Variants in SNTG2 observed in about 807,000 individuals in gnomAD.
SNTG2 encodes gamma-2-syntrophin.
In SNTG2, 74 loss-of-function variants were observed where a neutral mutation model predicts 70.9. The ratio of observed to expected loss-of-function variants is 1.04; its 90% confidence interval spans 0.86 to 1.27. The LOEUF is 1.27. Ranked by LOEUF, SNTG2 falls within the 50% of genes most tolerant of loss-of-function variation. The pLI, the probability that SNTG2 is intolerant of heterozygous loss-of-function variation, is 0.00. For synonymous variants in SNTG2, 278 were observed against 273.8 expected (o/e 1.02, Z -0.15); for missense variants, 717 against 690.7 (o/e 1.04, Z -0.43).
intron 9 of SNTG2, among the ~76,000 whole-genome samples, chr2:1,236,040 G>C (rs527768314): frequency 6.6e-6 from 1 of 152,064 alleles, no homozygotes; most frequent in Non-Finnish European, 1.5e-5. Flanking sequence ...CTTGGCTGTC[G>C]TCCGCAATAA....
intron 1 of SNTG2, among the ~76,000 whole-genome samples, chr2:1,060,298 C>G (rs73166572): frequency 0.17 from 25,489 of 152,102 alleles, 2,625 homozygotes; most frequent in East Asian, 0.5. Flanking sequence ...CCAGTGTGAA[C>G]TCAGTTGTTT....
intron 4 of SNTG2, among the ~76,000 whole-genome samples, chr2:1,137,114 T>A (rs747362138): frequency 6.6e-6 from 1 of 152,220 alleles, no homozygotes; most frequent in Non-Finnish European, 1.5e-5. Context: ...CTAGCTTTCC[T>A]TATGAAGAGG....
At chr2:1,275,647 G>T (rs956150252) in intron 14 of SNTG2, among the ~76,000 whole-genome samples, 1 of 149,438 alleles carries the variant, frequency 6.7e-6, no homozygotes, top group African/African-American at 2.5e-5. Context: ...AGACATAACA[G>T]TATTGATATT....
intron 8 of SNTG2, among the ~76,000 whole-genome samples, chr2:1,191,111 C>A (rs1672566288): frequency 6.6e-6 from 1 of 152,144 alleles, no homozygotes; most frequent in African/African-American, 2.4e-5. Context: ...GGCTTCAGGG[C>A]CCCTTAATTG....
intron 16 of SNTG2, among the ~76,000 whole-genome samples, chr2:1,336,311 T>C (rs905242216): frequency 1.6e-4 from 24 of 152,194 alleles, no homozygotes; most frequent in African/African-American, 5.3e-4. Flanking sequence ...TAAAATCAGG[T>C]TGTTTTCTTG....
chr2:1,304,455 G>A (rs1231501934), intron 14 of SNTG2, among the ~76,000 whole-genome samples: 5 of 152,128 alleles, frequency 3.3e-5, no homozygotes, highest in African/African-American at 4.8e-5. Context: ...TGGCCGGTGC[G>A]GTGGCTCATG....
At chr2:1,282,665 G>A (rs1050644609) in intron 14 of SNTG2, among the ~76,000 whole-genome samples, 2 of 29,296 alleles carry the variant, frequency 6.8e-5, no homozygotes, top group Non-Finnish European at 1.5e-4. Flanking sequence ...AACTCCCCCC[G>A]CCCCCACGTC....
intron 1 of SNTG2, among the ~76,000 whole-genome samples, chr2:972,741 A>C (rs4971348): frequency 0.43 from 65,219 of 151,330 alleles, 14,725 homozygotes; most frequent in African/African-American, 0.53. Flanking sequence ...GTGTGTAGCA[A>C]CCCCACCCCT....
At chr2:1,061,865 A>G (rs139498787) in intron 1 of SNTG2, among the ~76,000 whole-genome samples, 10 of 152,328 alleles carry the variant, frequency 6.6e-5, no homozygotes, top group Non-Finnish European at 8.8e-5. Context: ...AAAATATTCC[A>G]TTATTCTTGG....
At chr2:1,250,697 G>A (rs1471851765) in intron 12 of SNTG2, among the ~76,000 whole-genome samples, 2 of 150,374 alleles carry the variant, frequency 1.3e-5, no homozygotes, top group Non-Finnish European at 3.0e-5. Context: ...ATCTGTCTCT[G>A]TCTTTGGCTC....
intron 1 of SNTG2, among the ~76,000 whole-genome samples, chr2:954,198 G>T (rs1023546034): frequency 1.3e-5 from 2 of 152,174 alleles, no homozygotes; most frequent in Non-Finnish European, 2.9e-5. Context: ...GCAGGTGCTC[G>T]TGGAAATGGA....
At chr2:1,015,368 C>CAT (rs1322954659) in intron 1 of SNTG2, among the ~76,000 whole-genome samples, 2 of 152,106 alleles carry the variant, frequency 1.3e-5, no homozygotes, top group East Asian at 3.8e-4. Context: ...AATATCCACA[C>CAT]ATATATATTA....
At chr2:961,589 G>T (rs1660353146) in intron 1 of SNTG2, among the ~76,000 whole-genome samples, 1 of 152,170 alleles carries the variant, frequency 6.6e-6, no homozygotes, top group African/African-American at 2.4e-5. Flanking sequence ...TCTTTTAATG[G>T]AGCATTTTAT....
At chr2:1,286,350 CTT>C (rs1271096164) in intron 14 of SNTG2, among the ~76,000 whole-genome samples, 1 of 152,180 alleles carries the variant, frequency 6.6e-6, no homozygotes, top group East Asian at 1.9e-4. Context: ...TTCTGGAGAA[CTT>C]TGCCCCTTCC....
intron 1 of SNTG2, among the ~76,000 whole-genome samples, chr2:1,075,491 G>C (rs1367981604): frequency 6.6e-6 from 1 of 152,192 alleles, no homozygotes; most frequent in Middle Eastern, 3.2e-3. Context: ...GAAAGTGTTT[G>C]TCATTGTTCA....
chr2:1,045,305 G>C (rs1661670768), intron 1 of SNTG2, among the ~76,000 whole-genome samples: 2 of 151,682 alleles, frequency 1.3e-5, no homozygotes, highest in African/African-American at 4.8e-5. Flanking sequence ...TGTCTATCTA[G>C]TGGTCTAACA....
rs538811487 is a variant in SNTG2, at chr2:1,307,469, GAGA to G, written c.1285-1021_1285-1019del. On this transcript the variant is annotated intron_variant, in intron 14 of 16. Transcript: ENST00000308624. ...TGTGTGTGTGTGTGTATGCGAGAGA[GAGA>G]AGAGAGAGAAGGAGGGAAAGAGAGA... 2.5e-3 allele frequency among the ~76,000 whole-genome samples: 373 copies of G among 151,768 alleles called. 1 individual carries two copies. The highest frequency in any genetic ancestry group is 8.3e-3 in the African/African-American group (343 of 41,286).
At chr2:1,117,590 A>G (rs547789321) in intron 4 of SNTG2, among the ~76,000 whole-genome samples, 1 of 152,240 alleles carries the variant, frequency 6.6e-6, no homozygotes, top group South Asian at 2.1e-4. Flanking sequence ...GAGGTAGCTC[A>G]GTTCCCCAGG....
At chr2:1,297,103 G>A (rs1680250560) in intron 14 of SNTG2, among the ~76,000 whole-genome samples, 1 of 152,058 alleles carries the variant, frequency 6.6e-6, no homozygotes, top group African/African-American at 2.4e-5. Flanking sequence ...CAGAAGTTTC[G>A]AATTGCCCCG....
Sources: allele counts gnomAD v4.1 joint callset (sites outside exome capture counted in the v4.1 genomes callset), GRCh38; gene constraint gnomAD v4.1.1; transcripts MANE v1.5; gene names NCBI Gene and HGNC (gene_info 2026-07-23, HGNC 2026-07-21).